ENOX2: variants seen among roughly 807,000 people sequenced by gnomAD.
The protein encoded by ENOX2 is ecto-NOX disulfide-thiol exchanger 2, also known as APK1 antigen.
A neutral mutation model predicts 45.0 loss-of-function variants in ENOX2; 36 were observed. The ratio of observed to expected loss-of-function variants is 0.80; its 90% CI spans 0.61 to 1.06. ENOX2 has a LOEUF of 1.06. Among genes scored for constraint, ENOX2 ranks in the 50% least tolerant of loss-of-function variants. The pLI, the probability that ENOX2 is intolerant of heterozygous loss-of-function variation, is 0.00. For synonymous variants in ENOX2, 174 were observed against 152.3 expected, an observed-to-expected ratio of 1.14 and a Z score of -1.05; for missense variants, 423 against 462.5, an observed-to-expected ratio of 0.91 and a Z score of 0.78.
At chrX:130,889,908 C>T (rs2078960585) in intron 2 of ENOX2, among the ~76,000 whole-genome samples, 1 of 112,963 alleles carries the variant, frequency 8.9e-6, no homozygotes, top group African/African-American at 3.2e-5. Flanking sequence ...ACCACAGCCT[C>T]ACTGGCAGCA....
At chrX:130,780,557 T>C (rs1197356538) in intron 3 of ENOX2, among the ~76,000 whole-genome samples, 1 of 111,647 alleles carries the variant, frequency 9.0e-6, no homozygotes, top group Non-Finnish European at 1.9e-5. Context: ...CAAAGTGTAT[T>C]ACCAAGGAAA....
intron 3 of ENOX2, among the ~76,000 whole-genome samples, chrX:130,752,496 T>C (rs889060972): frequency 9.0e-6 from 1 of 110,537 alleles, no homozygotes; most frequent in Admixed American, 9.7e-5. Context: ...CCTCCCTTTC[T>C]GTCTCTCTAA....
At chrX:130,864,351 A>G (rs1408288898) in intron 2 of ENOX2, among the ~76,000 whole-genome samples, 2 of 110,707 alleles carry the variant, frequency 1.8e-5, no homozygotes, top group Non-Finnish European at 3.8e-5. Context: ...CCGAGCTTGA[A>G]AGTGGATCCT....
At chrX:130,799,920 C>A (rs759860882) in intron 2 of ENOX2, among the ~76,000 whole-genome samples, 1 of 110,327 alleles carries the variant, frequency 9.1e-6, no homozygotes, top group Non-Finnish European at 1.9e-5. Context: ...AAAAAAAAAG[C>A]CTTTTTAAGA....
intron 3 of ENOX2, among the ~76,000 whole-genome samples, chrX:130,738,053 T>C (rs1293036619): frequency 8.9e-6 from 1 of 111,906 alleles, no homozygotes; most frequent in Non-Finnish European, 1.9e-5. Context: ...ATCAGTTACC[T>C]TGAAATGTAA....
At chrX:130,653,949 C>A (rs761816222) in intron 10 of ENOX2, among the ~76,000 whole-genome samples, 23 of 112,048 alleles carry the variant, frequency 2.1e-4, no homozygotes, top group Admixed American at 1.1e-3. Flanking sequence ...TGATAAAATG[C>A]AGATTCCTCA....
At chrX:130,866,247 G>T (rs1199783575) in intron 2 of ENOX2, among the ~76,000 whole-genome samples, 3 of 111,099 alleles carry the variant, frequency 2.7e-5, no homozygotes, top group African/African-American at 9.8e-5. Context: ...CCAGCAACTA[G>T]TTCCTCACCA....
intron 10 of ENOX2, among the ~76,000 whole-genome samples, chrX:130,648,162 T>C (rs1256391235): frequency 1.8e-5 from 2 of 111,908 alleles, no homozygotes; most frequent in African/African-American, 6.5e-5. Context: ...AGAAAAGTGA[T>C]AGAAATTAAA....
chrX:130,679,879 G>T, intron 5 of ENOX2, 131 bp from the exon 6 acceptor site: 1 of 487,100 alleles, frequency 2.1e-6, no homozygotes, highest in Non-Finnish European at 3.6e-6. Flanking sequence ...GGCCTCTGAG[G>T]TGTTCATCTC....
At chrX:130,651,314 A>C (rs182002601) in intron 10 of ENOX2, among the ~76,000 whole-genome samples, 20 of 112,123 alleles carry the variant, frequency 1.8e-4, no homozygotes, top group Non-Finnish European at 3.0e-4. Flanking sequence ...TCCCATCTCA[A>C]ACACAGAATC....
chrX:130,887,706 T>C (rs1459110332), intron 2 of ENOX2, among the ~76,000 whole-genome samples: 2 of 111,836 alleles, frequency 1.8e-5, no homozygotes, highest in South Asian at 3.8e-4. Context: ...AGTATGTTCA[T>C]TGGAGAATTC....
intron 2 of ENOX2, among the ~76,000 whole-genome samples, chrX:130,862,376 A>C (rs1012255972): frequency 2.2e-4 from 25 of 111,374 alleles, no homozygotes; most frequent in Admixed American, 8.7e-4. Context: ...ATAATTGCTT[A>C]AATGTCCCTT....
intron 3 of ENOX2, among the ~76,000 whole-genome samples, chrX:130,736,004 A>G (rs1353234962): frequency 1.8e-5 from 2 of 112,138 alleles, no homozygotes; most frequent in African/African-American, 6.5e-5. Context: ...GATTTTTCAC[A>G]TCTTTCTTCA....
At chrX:130,694,696 G>A (rs778411692) in intron 4 of ENOX2, among the ~76,000 whole-genome samples, 3 of 104,041 alleles carry the variant, frequency 2.9e-5, no homozygotes, top group South Asian at 4.7e-4. Flanking sequence ...TCTGCCTCCC[G>A]GGTTCAAGCG....
At chrX:130,859,219 A>T (rs1486374436) in intron 2 of ENOX2, among the ~76,000 whole-genome samples, 1 of 112,007 alleles carries the variant, frequency 8.9e-6, no homozygotes, top group African/African-American at 3.3e-5. Flanking sequence ...GCTACTCAGG[A>T]GGCTGACACA....
intron 3 of ENOX2, among the ~76,000 whole-genome samples, chrX:130,730,052 T>C (rs1364278305): frequency 2.7e-5 from 3 of 112,335 alleles, no homozygotes; most frequent in East Asian, 2.8e-4. Flanking sequence ...GGTCCAACTA[T>C]AGTCTCTGTT....
chrX:130,662,933 G>C (rs1290915139), intron 9 of ENOX2, among the ~76,000 whole-genome samples: 1 of 111,581 alleles, frequency 9.0e-6, no homozygotes, highest in African/African-American at 3.3e-5. Context: ...GAAACATGTA[G>C]CTCCTGGAAA....
intron 2 of ENOX2, among the ~76,000 whole-genome samples, chrX:130,848,774 C>A (rs779449410): frequency 9.1e-6 from 1 of 110,427 alleles, no homozygotes; most frequent in South Asian, 3.8e-4. Context: ...CCAGCCTGGG[C>A]GACAGAGTGA....
At chrX:130,756,691 C>T (rs1603340577) in intron 3 of ENOX2, among the ~76,000 whole-genome samples, 1 of 112,222 alleles carries the variant, frequency 8.9e-6, no homozygotes, top group Non-Finnish European at 1.9e-5. Context: ...TTTCTCCAGA[C>T]TGAATGGATC....
Sources: gnomAD v4.1 joint callset for allele counts (sites outside exome capture counted in the v4.1 genomes callset) on GRCh38, gnomAD v4.1.1 for gene constraint, MANE v1.5 for transcripts, NCBI Gene and HGNC (gene_info 2026-07-23, HGNC 2026-07-21) for gene names.